The following STX18 variants were observed in gnomAD, a reference collection of about 807,000 sequenced individuals.
STX18 encodes syntaxin-18.
In STX18, 40 loss-of-function variants were observed where a neutral mutation model predicts 50.1. The observed-to-expected ratio is 0.80, with a 90% CI of 0.62 to 1.04. The LOEUF is 1.04. Ranked by LOEUF, STX18 falls within the 50% of genes least tolerant of loss-of-function variation. STX18 has a pLI of 0.00. For synonymous variants in STX18, 158 were observed against 151.8 expected (o/e 1.04, Z -0.30); for missense variants, 410 against 415.8 (o/e 0.99, Z 0.12).
Position 4,420,403 on chromosome 4 carries a change from C to T in STX18, c.913-274G>A, listed in dbSNP as rs1024879179. ...CCTTCTGTCCCAGGGTTAAGGGCCC[C>T]GAGCAGAGTGTGACCGCAAGCTTTG... On this transcript the variant is annotated intron_variant, in intron 10 of 10. Coordinates refer to ENST00000306200, the MANE Select transcript of STX18 (RefSeq NM_016930.4). This position sits in a 1 kb window ranked among gnomAD's most constrained non-coding sequence, Gnocchi z 4.3. 4.1e-5 allele frequency: 19 copies of T among 463,298 alleles called. No individual in the cohort carries two copies. The highest frequency in any genetic ancestry group is 5.8e-4 in the Middle Eastern group (1 of 1,712). 28.7% of individuals were successfully genotyped at this position (463,298 alleles called of 1,614,324 possible).
chr4:4,524,190 G>A (rs1338774054), intron 1 of STX18, among the ~76,000 whole-genome samples: 1 of 152,182 alleles, frequency 6.6e-6, no homozygotes, highest in African/African-American at 2.4e-5. Flanking sequence ...TTCATTCTCA[G>A]AGATACCTTC....
At chr4:4,534,490 T>C (rs1045887642) in intron 1 of STX18, among the ~76,000 whole-genome samples, 1 of 152,224 alleles carries the variant, frequency 6.6e-6, no homozygotes, top group Non-Finnish European at 1.5e-5. Flanking sequence ...AAATACTAAA[T>C]ACCTACTTCA....
At chr4:4,521,747 C>A (rs1730519582) in intron 1 of STX18, among the ~76,000 whole-genome samples, 1 of 151,814 alleles carries the variant, frequency 6.6e-6, no homozygotes, top group African/African-American at 2.4e-5. Flanking sequence ...TTTAATATTA[C>A]AAGCCAACTG....
chr4:4,423,558 G>C lies in STX18; in HGVS notation c.791C>G (p.Ser264Cys), dbSNP rs769116486. ...TTCCGTGAATATCTCTTGGAGTCTG[G>C]AAATCTCAACCACTCTCCCTTCGAT... The part of the protein sequence containing the change: ...RQIEGRVVEI[S>C]RLQEIFTEKV... Residue 264 changes from serine (S) to cysteine (C), a missense_variant, in exon 9 of 11, where the codon TCC (serine) becomes TGC (cysteine). Coordinates refer to ENST00000306200, the MANE Select transcript of STX18 (RefSeq NM_016930.4). 15 of 1,614,170 alleles carry C rather than the reference G, an allele frequency of 9.3e-6. No individual in the cohort carries two copies. The highest frequency in any genetic ancestry group is 1.3e-5 in the Non-Finnish European group (15 of 1,180,036).
intron 7 of STX18, among the ~76,000 whole-genome samples, chr4:4,430,277 G>C (rs1725455894): frequency 6.6e-6 from 1 of 152,170 alleles, no homozygotes; most frequent in Non-Finnish European, 1.5e-5. Context: ...TATGAATTAT[G>C]ACCACGATTT....
Position 4,520,199 on chromosome 4 carries a change from G to T in STX18, c.168+21598C>A, listed in dbSNP as rs573717933. 5.3e-5 allele frequency among the ~76,000 whole-genome samples: 8 copies of T among 152,090 alleles called. 1 individual carries two copies. In the South Asian group the frequency reaches 1.7e-3, roughly 32 times the overall value. The stretch of plus-strand genomic sequence containing the variant: ...TTACATTAAAATGGTTGCTCATAAC[G>T]AATTATGCTGAAATTAAATAGTATT... On this transcript the variant is annotated intron_variant, in intron 1 of 10. Coordinates refer to ENST00000306200, the MANE Select transcript of STX18 (RefSeq NM_016930.4).
intron 1 of STX18, among the ~76,000 whole-genome samples, chr4:4,534,597 T>C (rs1244397412): frequency 2.0e-5 from 3 of 152,232 alleles, no homozygotes; most frequent in African/African-American, 7.2e-5. Flanking sequence ...GTCAGTCTTG[T>C]TACATTCCAA....
chr4:4,523,723 C>T (rs1730624584), intron 1 of STX18, among the ~76,000 whole-genome samples: 1 of 152,206 alleles, frequency 6.6e-6, no homozygotes, highest in Non-Finnish European at 1.5e-5. Context: ...GGTCCTCCTC[C>T]TTGCTGCCAG....
intron 1 of STX18, among the ~76,000 whole-genome samples, chr4:4,539,020 A>C (rs369170012): frequency 1.3e-5 from 2 of 152,230 alleles, no homozygotes; most frequent in East Asian, 3.8e-4. Context: ...AATGTTTAAA[A>C]GAATGATGCA....
At chr4:4,539,803 A>AG in intron 1 of STX18, among the ~76,000 whole-genome samples, 1 of 89,278 alleles carries the variant, frequency 1.1e-5, no homozygotes, top group African/African-American at 6.6e-5. Flanking sequence ...CTCAAAACTC[A>AG]AACACATTTT....
At chr4:4,531,889 A>T (rs188637130) in intron 1 of STX18, among the ~76,000 whole-genome samples, 3 of 152,370 alleles carry the variant, frequency 2.0e-5, no homozygotes, top group Non-Finnish European at 4.4e-5. Flanking sequence ...TGTCTTTTTA[A>T]GAGGCTATGA....
At chr4:4,494,162 C>T (rs542308539) in intron 1 of STX18, among the ~76,000 whole-genome samples, 8 of 152,200 alleles carry the variant, frequency 5.3e-5, no homozygotes, top group East Asian at 3.9e-4. Context: ...ACAAATGCTA[C>T]GAAGTAAAAA....
At chr4:4,426,423 A>T (rs1725245289) in intron 7 of STX18, 1 of 152,268 alleles carries the variant, frequency 6.6e-6, no homozygotes, top group African/African-American at 2.4e-5. Context: ...GATCTGGCTT[A>T]TCACTTGCTT....
intron 2 of STX18, among the ~76,000 whole-genome samples, chr4:4,467,037 T>C (rs1727650282): frequency 6.6e-6 from 1 of 152,100 alleles, no homozygotes; most frequent in Non-Finnish European, 1.5e-5. Context: ...GATGAGCCAG[T>C]GTCCTGGTCT....
Position 4,451,854 on chromosome 4 carries a change from T to C in STX18, c.497+5337A>G, listed in dbSNP as rs1480607283. Among the ~76,000 whole-genome samples, 4 of 151,640 alleles carry C rather than the reference T, an allele frequency of 2.6e-5. No homozygotes were observed. The East Asian group carries it at 7.8e-4, about 29-fold the overall frequency. On this transcript the variant is annotated intron_variant, in intron 5 of 10. Transcript: ENST00000306200. ...TCTAAGTGTTCAAGTGAAAGAAGAG[T>C]TGCGTATCACTCACTTGAAGTCAAA...
chr4:4,485,446 G>A (rs1221162031), intron 1 of STX18, among the ~76,000 whole-genome samples: 1 of 152,162 alleles, frequency 6.6e-6, no homozygotes, highest in Non-Finnish European at 1.5e-5. Flanking sequence ...TCTTGCAATG[G>A]GTTCAAACCA....
Position 4,514,172 on chromosome 4 carries a change from G to T in STX18, c.168+27625C>A, listed in dbSNP as rs571987835. ...ACTGTTTACTGACTATTTCTGCAAG[G>T]CTTCTCCAAGAATCATGAAGAAAAG... On this transcript the variant is annotated intron_variant, in intron 1 of 10. Transcript: ENST00000306200. Among the ~76,000 whole-genome samples, 256 of 152,268 alleles carry T rather than the reference G, an allele frequency of 1.7e-3. 1 individual carries two copies. The highest frequency in any genetic ancestry group is 5.4e-3 in the South Asian group (26 of 4,822).
intron 1 of STX18, chr4:4,499,545 A>G (rs2108875693): frequency 1.0e-6 from 1 of 985,444 alleles, no homozygotes; most frequent in Non-Finnish European, 1.2e-6. Flanking sequence ...CAAGCCTAGC[A>G]CTGATTAAAG....
chr4:4,438,584 A>G, intron 5 of STX18, 75 bp from the exon 6 acceptor site: 1 of 1,226,092 alleles, frequency 8.2e-7, no homozygotes, highest in Non-Finnish European at 1.2e-6. Context: ...AAGGAGTCAC[A>G]TGTGACCCTG....
Sources: gnomAD v4.1 joint callset for allele counts (sites outside exome capture counted in the v4.1 genomes callset) on GRCh38, gnomAD v4.1.1 for gene constraint, Gnocchi (gnomAD v3.1) non-coding constraint, MANE v1.5 for transcripts, NCBI Gene and HGNC (gene_info 2026-07-23, HGNC 2026-07-21) for gene names.